The following DPP10 variants were observed in gnomAD, a reference collection of about 807,000 sequenced individuals.
The protein encoded by DPP10 is dipeptidyl peptidase like 10, also known as inactive dipeptidyl peptidase 10.
A neutral mutation model predicts 120.9 loss-of-function variants in DPP10; 33 were observed. The observed-to-expected ratio is 0.27, with a 90% CI of 0.21 to 0.37. The LOEUF is 0.37. DPP10 is among the 10% of genes least tolerant of loss of function. DPP10 has a pLI of 1.00. For synonymous variants in DPP10, 337 were observed against 326.1 expected, an observed-to-expected ratio of 1.03 and a Z score of -0.36; for missense variants, 816 against 942.8, an observed-to-expected ratio of 0.87 and a Z score of 1.76.
At chr2:114,964,369 A>T (rs1476113057) in intron 1 of DPP10, among the ~76,000 whole-genome samples, 1 of 152,154 alleles carries the variant, frequency 6.6e-6, no homozygotes, top group Non-Finnish European at 1.5e-5. Flanking sequence ...TTCAAACTGG[A>T]GAAACGTAAA....
At chr2:114,620,910 T>A (rs909089964) in intron 1 of DPP10, among the ~76,000 whole-genome samples, 2 of 152,092 alleles carry the variant, frequency 1.3e-5, no homozygotes, top group African/African-American at 4.8e-5. Flanking sequence ...ATTCATCGAA[T>A]CTGGTGGAAT....
chr2:114,443,128 G>C (rs912870970), intron 1 of DPP10, among the ~76,000 whole-genome samples: 103 of 151,920 alleles, frequency 6.8e-4, no homozygotes, highest in African/African-American at 2.4e-3. Context: ...AGAGTTTCCA[G>C]TCCATGCCAA....
rs141583515 is a variant in DPP10 at position 115,244,431 on chromosome 2, A to G, written c.61-64808A>G. On this transcript the variant is annotated intron_variant, in intron 1 of 25. Coordinates refer to ENST00000410059, the MANE Select transcript of DPP10 (RefSeq NM_020868.6). ...ATGTTTCTGGCATTATAAAAATTGC[A>G]GTGAAGAAATTGGAACTTAAAGCCA... Among the ~76,000 whole-genome samples, 75 of 152,108 alleles carry G rather than the reference A, an allele frequency of 4.9e-4. 3 individuals carry two copies. The East Asian group carries it at 0.014, about 27-fold the overall frequency.
chr2:115,633,646 G>T (rs1037489848), intron 5 of DPP10, among the ~76,000 whole-genome samples: 1 of 152,120 alleles, frequency 6.6e-6, no homozygotes, highest in East Asian at 1.9e-4. Flanking sequence ...TCTGCTGAGA[G>T]GTCCACTGTT....
In DPP10 at chr2:115,324,008, C is replaced by T. The variant is rs910723948; in HGVS notation, c.175+14655C>T. 5.9e-5 allele frequency among the ~76,000 whole-genome samples: 9 copies of T among 152,266 alleles called. 1 individual carries two copies. The East Asian group carries it at 1.7e-3, about 29-fold the overall frequency. On this transcript the variant is annotated intron_variant, in intron 2 of 25. Transcript: ENST00000410059. Reference sequence around the variant, plus strand: ...TAGCCCCTAATAGGAGAGTCAGCCTCTCCTTTGAAGCTTTGAAACCAGGCA... The same window carrying T: ...TAGCCCCTAATAGGAGAGTCAGCCTTTCCTTTGAAGCTTTGAAACCAGGCA...
At chr2:115,159,941 A>G (rs1301613064) in intron 1 of DPP10, among the ~76,000 whole-genome samples, 1 of 152,192 alleles carries the variant, frequency 6.6e-6, no homozygotes, top group Non-Finnish European at 1.5e-5. Flanking sequence ...AAATTCCTTC[A>G]ACTCAAGCAG....
chr2:115,723,626 T>TG (rs941301069), intron 7 of DPP10, among the ~76,000 whole-genome samples: 8 of 151,262 alleles, frequency 5.3e-5, no homozygotes, highest in South Asian at 2.1e-4. Context: ...TTTTTTGTTT[T>TG]TTTTTTTTTT....
intron 1 of DPP10, among the ~76,000 whole-genome samples, chr2:114,493,654 TA>T (rs148098644): frequency 0.047 from 7,217 of 152,032 alleles, 247 homozygotes; most frequent in African/African-American, 0.092. Flanking sequence ...TTCATTACCA[TA>T]AAAAAACTGA....
chr2:114,849,927 TC>T (rs1281462673), intron 1 of DPP10, among the ~76,000 whole-genome samples: 1 of 151,924 alleles, frequency 6.6e-6, no homozygotes, highest in Non-Finnish European at 1.5e-5. Flanking sequence ...TCTTTTCTTT[TC>T]TTTTCTGTTC....
At chr2:114,602,862 T>C (rs1233842392) in intron 1 of DPP10, among the ~76,000 whole-genome samples, 1 of 152,118 alleles carries the variant, frequency 6.6e-6, no homozygotes, top group Non-Finnish European at 1.5e-5. Flanking sequence ...GAAGCAGACT[T>C]GTGTGGCACT....
At chr2:114,836,661 G>C (rs1420431646) in intron 1 of DPP10, among the ~76,000 whole-genome samples, 1 of 152,096 alleles carries the variant, frequency 6.6e-6, no homozygotes, top group Admixed American at 6.5e-5. Flanking sequence ...TCTTATCAGG[G>C]GACAGGGTTT....
At chr2:114,553,518 A>G (rs970955261) in intron 1 of DPP10, among the ~76,000 whole-genome samples, 1 of 152,010 alleles carries the variant, frequency 6.6e-6, no homozygotes, top group Non-Finnish European at 1.5e-5. Context: ...TTACCTTTTC[A>G]CTCTGAGTTT....
At chr2:114,519,563 T>G (rs750028985) in intron 1 of DPP10, among the ~76,000 whole-genome samples, 21 of 152,310 alleles carry the variant, frequency 1.4e-4, no homozygotes, top group South Asian at 4.1e-4. Context: ...CTCAATTAAT[T>G]TTCAGTTGAC....
intron 7 of DPP10, among the ~76,000 whole-genome samples, chr2:115,703,600 G>A: frequency 6.6e-6 from 1 of 151,980 alleles, no homozygotes; most frequent in East Asian, 1.9e-4. Context: ...TCATTTTTGG[G>A]GGGAAACTTC....
At chr2:115,402,842 G>GAAAAAAA (rs1553584302) in intron 3 of DPP10, among the ~76,000 whole-genome samples, 1 of 38,496 alleles carries the variant, frequency 2.6e-5, no homozygotes, top group African/African-American at 7.2e-5. Flanking sequence ...ACACTACAAG[G>GAAAAAAA]AAAAAAAAAA....
At chr2:114,777,370 T>C (rs1415828982) in intron 1 of DPP10, among the ~76,000 whole-genome samples, 1 of 152,164 alleles carries the variant, frequency 6.6e-6, no homozygotes, top group Non-Finnish European at 1.5e-5. Flanking sequence ...TAGAAATATA[T>C]TACCCACATA....
At chr2:114,648,451 C>G (rs894669168) in intron 1 of DPP10, among the ~76,000 whole-genome samples, 1 of 152,122 alleles carries the variant, frequency 6.6e-6, no homozygotes, top group African/African-American at 2.4e-5. Flanking sequence ...AGTATTTCTC[C>G]CTTGCTTAAG....
At chr2:115,625,018 C>G (rs931083973) in intron 5 of DPP10, among the ~76,000 whole-genome samples, 1 of 151,740 alleles carries the variant, frequency 6.6e-6, no homozygotes, top group African/African-American at 2.4e-5. Flanking sequence ...CTCTATCTTC[C>G]CCAGGGAGAA....
At chr2:114,545,999 T>C (rs868484324) in intron 1 of DPP10, among the ~76,000 whole-genome samples, 2 of 152,242 alleles carry the variant, frequency 1.3e-5, no homozygotes, top group South Asian at 2.1e-4. Context: ...ATATTGATGG[T>C]CTCTATTTTA....
Sources: gnomAD v4.1 joint callset for allele counts (sites outside exome capture counted in the v4.1 genomes callset) on GRCh38, gnomAD v4.1.1 for gene constraint, MANE v1.5 for transcripts, NCBI Gene and HGNC (gene_info 2026-07-23, HGNC 2026-07-21) for gene names.